SSH1: variants seen among roughly 807,000 people sequenced by gnomAD.
SSH1 encodes the protein protein phosphatase Slingshot homolog 1.
In SSH1, 43 loss-of-function variants were observed where a neutral mutation model predicts 79.7. The observed-to-expected ratio is 0.54, with a 90% CI of 0.42 to 0.70. SSH1 has a LOEUF of 0.70. Ranked by LOEUF, SSH1 falls within the 30% of genes least tolerant of loss-of-function variation. SSH1 has a pLI of 0.00. For synonymous variants in SSH1, 599 were observed against 538.3 expected (o/e 1.11, Z -1.56); for missense variants, 1,206 against 1,358.8 (o/e 0.89, Z 1.77).
Position 108,778,888 on chromosome 12 carries a change from C to T in SSH1, c.*9100G>A, listed in dbSNP as rs1007859528. ...GTGGTTCGATCTCGGCTCACTGCAA[C>T]CTCTGCCTCCCAGGCTCAGGAGATC... On this transcript the variant is annotated 3_prime_UTR_variant, in exon 15 of 15. Coordinates refer to ENST00000326495, the MANE Select transcript of SSH1 (RefSeq NM_018984.4). 1 of 152,184 alleles carries T rather than the reference C, an allele frequency of 6.6e-6. No individual in the cohort carries two copies. Among genetic ancestry groups the T allele is most frequent in the African/African-American group, 2.4e-5 (1 of 41,418 alleles). 9.4% of individuals were successfully genotyped at this position (152,184 alleles called of 1,614,324 possible). A position where few individuals can be genotyped will look rare whatever the true frequency, so the allele number is the denominator to read the frequency against.
At chr12:108,854,157 T>C (rs190941432) in intron 1 of SSH1, among the ~76,000 whole-genome samples, 6 of 152,266 alleles carry the variant, frequency 3.9e-5, no homozygotes, top group Non-Finnish European at 7.4e-5. Flanking sequence ...ACAGGAGACA[T>C]TGGAAGATGT....
intron 4 of SSH1, among the ~76,000 whole-genome samples, chr12:108,817,889 G>T (rs1013817426): frequency 1.3e-5 from 2 of 151,918 alleles, no homozygotes; most frequent in African/African-American, 4.8e-5. Flanking sequence ...TTCCCCACCA[G>T]GTTTCACAAT....
chr12:108,824,562 A>G (rs576868448), intron 2 of SSH1, among the ~76,000 whole-genome samples: 20 of 152,304 alleles, frequency 1.3e-4, no homozygotes, highest in African/African-American at 4.8e-4. Context: ...GAAAACCTCA[A>G]GTTGGCCCAA....
Position 108,792,365 on chromosome 12 carries a change from G to A in SSH1, c.1814C>T (p.Pro605Leu), listed in dbSNP as rs576013185. ...GAGCAGGTTTTGATCGAGCTGGGTT[G>A]GAAGCTGCCCCCACCTCCCTGCTCC... ...GLGAGRWGQL[P>L]TQLDQNLLNS... is the part of the protein sequence containing the mutation. The change falls in exon 14 of 15, where the codon CCA becomes CTA. Residue 605 changes from proline to leucine, a missense_variant. Pro to Leu is a moderately conservative substitution (Grantham distance 98, BLOSUM62 -3). Transcript: ENST00000326495. 2 of 1,614,136 alleles carry A rather than the reference G, an allele frequency of 1.2e-6. No homozygotes were observed. Among genetic ancestry groups the A allele is most frequent in the East Asian group, 4.5e-5 (2 of 44,884 alleles).
chr12:108,826,976 C>T lies in SSH1; in HGVS notation c.111-3615G>A, dbSNP rs527841881. On this transcript the variant is annotated intron_variant, in intron 2 of 14. Transcript: ENST00000326495. ...ACAAAACGGAAATGTCTTCCTCCAC[C>T]GCTGTAAGAAAAATCTTGATGAGGG... Among the ~76,000 whole-genome samples, 8 of 151,058 alleles carry T rather than the reference C, an allele frequency of 5.3e-5. No individual in the cohort carries two copies. In the South Asian group the frequency reaches 1.1e-3, roughly 20 times the overall value.
chr12:108,797,276 G>A (rs1240126467), intron 13 of SSH1, among the ~76,000 whole-genome samples: 5 of 151,364 alleles, frequency 3.3e-5, no homozygotes, highest in South Asian at 2.1e-4. Context: ...ACTGGTGCAC[G>A]CCACCACGCT....
At chr12:108,804,995 A>G in intron 10 of SSH1, 61 bp downstream of exon 10, 3 of 1,595,024 alleles carry the variant, frequency 1.9e-6, no homozygotes, top group Middle Eastern at 3.3e-4. Context: ...ACAAACTCTT[A>G]AACAACCAGG....
Position 108,857,525 on chromosome 12 carries a change from G to A in SSH1, c.-29C>T, listed in dbSNP as rs900557872. 80 of 1,113,118 alleles carry A rather than the reference G, an allele frequency of 7.2e-5. 1 individual carries two copies. The highest frequency in any genetic ancestry group is 8.6e-5 in the Non-Finnish European group (77 of 894,898). The allele number at this position is 1,113,118 out of a possible 1,614,324, so 69.0% of individuals were successfully genotyped here. ...TGCGGCGCGGTGCGAGGGCGCCACA[G>A]ACGTCTCGAGCTAGAGCCGCCACCG... On this transcript the variant is annotated 5_prime_UTR_variant, in exon 1 of 15. Coordinates refer to ENST00000326495, the MANE Select transcript of SSH1 (RefSeq NM_018984.4). The surrounding 1 kb of genome is among the most constrained non-coding windows in gnomAD (Gnocchi z 4.7).
chr12:108,784,204 T>C lies in SSH1; in HGVS notation c.*3784A>G, dbSNP rs1723135055. The C allele has an allele frequency of 6.6e-6, 1 of 152,254 alleles. No homozygotes were observed. Among genetic ancestry groups the C allele is most frequent in the Non-Finnish European group, 1.5e-5 (1 of 68,086 alleles). The allele number at this position is 152,254 out of a possible 1,614,324, so 9.4% of individuals were successfully genotyped here. A position where few individuals can be genotyped will look rare whatever the true frequency, so the allele number is the denominator to read the frequency against. ...AGGGAAATTCATCAACCTTCTAGAA[T>C]GGACTGCCCTCAGATAAGAGTGCAT... On this transcript the variant is annotated 3_prime_UTR_variant, in exon 15 of 15. Transcript: ENST00000326495.
At chr12:108,834,417 G>A (rs2038548576) in intron 2 of SSH1, 1 of 152,260 alleles carries the variant, frequency 6.6e-6, no homozygotes, top group Non-Finnish European at 1.5e-5. Context: ...TGCAGGTGAG[G>A]ACACTGAGGC....
At chr12:108,844,270 A>G (rs915389530) in intron 2 of SSH1, among the ~76,000 whole-genome samples, 18 of 139,140 alleles carry the variant, frequency 1.3e-4, no homozygotes, top group South Asian at 4.5e-4. Context: ...AAAATCATAG[A>G]AAAAAAAAAA....
intron 1 of SSH1, among the ~76,000 whole-genome samples, chr12:108,854,260 T>C (rs893246058): frequency 6.6e-6 from 1 of 152,198 alleles, no homozygotes; most frequent in African/African-American, 2.4e-5. Context: ...CAAGAGAGAA[T>C]GTTCTGGTCC....
At chr12:108,824,392 G>A (rs2038236001) in intron 2 of SSH1, among the ~76,000 whole-genome samples, 1 of 151,604 alleles carries the variant, frequency 6.6e-6, no homozygotes, top group African/African-American at 2.4e-5. Context: ...AGGTTGGAGT[G>A]AGCCAAGATC....
At chr12:108,791,905 A>G (rs2036517725) in intron 14 of SSH1, 4 of 1,286,226 alleles carry the variant, frequency 3.1e-6, no homozygotes, top group East Asian at 2.9e-5. Context: ...GAATAGTCAT[A>G]TATCGATAAA....
chr12:108,845,832 C>A (rs1362037029), intron 2 of SSH1, among the ~76,000 whole-genome samples: 2 of 152,190 alleles, frequency 1.3e-5, no homozygotes, highest in Non-Finnish European at 2.9e-5. Context: ...GTGCATGACA[C>A]CTCTTGGCAG....
Position 108,822,936 on chromosome 12 carries a change from T to C in SSH1, c.214+322A>G, listed in dbSNP as rs988432852. Among the ~76,000 whole-genome samples the C allele has an allele frequency of 2.6e-5, 4 of 152,206 alleles. No homozygotes were observed. The South Asian group carries it at 8.3e-4, about 31-fold the overall frequency. Reference sequence around the variant, plus strand: ...CAAGTGGACGACATCTGGCTATAATTCATTTTGGTGCATTTGTTAAAAAGT... The same window carrying C: ...CAAGTGGACGACATCTGGCTATAATCCATTTTGGTGCATTTGTTAAAAAGT... On this transcript the variant is annotated intron_variant, in intron 3 of 14. Transcript: ENST00000326495.
rs1216445976 is a variant in SSH1, at chr12:108,807,415, G to A, written c.731+218C>T. ...AGAAATGCATTCACCAAATTCATCAGTAATTTTTTTTTTTTTTTTCTTTTT... is the reference window on the plus strand; with the variant it reads ...AGAAATGCATTCACCAAATTCATCAATAATTTTTTTTTTTTTTTTCTTTTT... On this transcript the variant is annotated intron_variant, in intron 8 of 14. Transcript: ENST00000326495. The surrounding 1 kb of genome is among the most constrained non-coding windows in gnomAD (Gnocchi z 5.2). Among the ~76,000 whole-genome samples, 1 of 105,554 alleles carries A rather than the reference G, an allele frequency of 9.5e-6. No individual in the cohort carries two copies. The highest frequency in any genetic ancestry group is 1.9e-5 in the Non-Finnish European group (1 of 53,424). 69.2% of individuals were successfully genotyped at this position (105,554 alleles called of 152,430 possible). A position where few individuals can be genotyped will look rare whatever the true frequency, so the allele number is the denominator to read the frequency against.
At chr12:108,837,351 T>C (rs2038661958) in intron 2 of SSH1, among the ~76,000 whole-genome samples, 9 of 152,106 alleles carry the variant, frequency 5.9e-5, no homozygotes, top group Admixed American at 5.9e-4. Context: ...AGTCCTGAAT[T>C]GGATCTTTTG....
At chr12:108,799,242 A>G in intron 12 of SSH1, 42 bp from the exon 13 acceptor site, 1 of 1,542,224 alleles carries the variant, frequency 6.5e-7, no homozygotes, top group East Asian at 2.3e-5. Context: ...ATGGGGGAGA[A>G]GCAGTGGGGA....
Sources: allele counts gnomAD v4.1 joint callset (sites outside exome capture counted in the v4.1 genomes callset), GRCh38; gene constraint gnomAD v4.1.1; non-coding constraint Gnocchi (gnomAD v3.1); transcripts MANE v1.5; gene names NCBI Gene and HGNC (gene_info 2026-07-23, HGNC 2026-07-21).